CLIP1: variants seen among roughly 807,000 people sequenced by gnomAD.
The protein encoded by CLIP1 is CAP-Gly domain containing linker protein 1.
Under a neutral mutation model 161.6 loss-of-function variants are expected in CLIP1, and 66 were observed. The ratio of observed to expected loss-of-function variants is 0.41; its 90% CI spans 0.33 to 0.50. The LOEUF (loss-of-function observed/expected upper bound fraction) is 0.50. CLIP1 is among the 20% of genes least tolerant of loss of function. CLIP1 has a pLI of 0.27. For missense variants in CLIP1, 1,376 were observed against 1,702.0 expected, an observed-to-expected ratio of 0.81 and a Z score of 3.37; for synonymous variants, 598 against 626.2, an observed-to-expected ratio of 0.96 and a Z score of 0.67.
chr12:122,346,216 T>C (rs995463305), intron 10 of CLIP1, among the ~76,000 whole-genome samples: 39 of 152,310 alleles, frequency 2.6e-4, no homozygotes, highest in African/African-American at 8.9e-4. Flanking sequence ...ATTTGCTGTT[T>C]TATCTTAGGC....
intron 3 of CLIP1, among the ~76,000 whole-genome samples, chr12:122,372,604 A>T (rs367834131): frequency 4.7e-4 from 71 of 152,068 alleles, no homozygotes; most frequent in East Asian, 2.7e-3. Flanking sequence ...AAAAAAAAAC[A>T]AAACTAAAAT....
At chr12:122,307,122 C>T (rs1196362054) in intron 20 of CLIP1, among the ~76,000 whole-genome samples, 1 of 150,560 alleles carries the variant, frequency 6.6e-6, no homozygotes, top group African/African-American at 2.4e-5. Context: ...CAATTCTCTC[C>T]CTCAGTATCC....
chr12:122,306,052 T>TAA (rs544566972), intron 20 of CLIP1, among the ~76,000 whole-genome samples: 7 of 127,764 alleles, frequency 5.5e-5, no homozygotes, highest in Non-Finnish European at 1.0e-4. Flanking sequence ...AGACTCCATC[T>TAA]AAAAAAAAAA....
intron 17 of CLIP1, among the ~76,000 whole-genome samples, chr12:122,321,686 T>C (rs895457416): frequency 2.0e-5 from 3 of 152,036 alleles, no homozygotes; most frequent in African/African-American, 7.2e-5. Context: ...GCCCAGCTAA[T>C]TACTGTATTT....
intron 1 of CLIP1, among the ~76,000 whole-genome samples, chr12:122,415,040 G>A (rs552529892): frequency 2.2e-4 from 33 of 150,674 alleles, no homozygotes; most frequent in Non-Finnish European, 3.4e-4. Flanking sequence ...CCTCGGCGAC[G>A]GAGTGAGACT....
At chr12:122,330,424 A>T (rs1202636243) in intron 15 of CLIP1, among the ~76,000 whole-genome samples, 1 of 152,114 alleles carries the variant, frequency 6.6e-6, no homozygotes, top group Non-Finnish European at 1.5e-5. Flanking sequence ...CACTTTTAAG[A>T]AGTAGAAGTC....
chr12:122,281,493 C>A (rs1592964842), intron 21 of CLIP1, among the ~76,000 whole-genome samples: 1 of 151,890 alleles, frequency 6.6e-6, no homozygotes, highest in Admixed American at 6.6e-5. Flanking sequence ...TCGAGACCAG[C>A]CTGGTTGACA....
In CLIP1 at chr12:122,344,930, A is replaced by G. The variant is rs760738466; in HGVS notation, c.1506+2445T>C. On this transcript the variant is annotated intron_variant, in intron 10 of 25. Coordinates refer to ENST00000620786, the MANE Select transcript of CLIP1 (RefSeq NM_001247997.2). Reference sequence around the variant, plus strand: ...AAGACATACTTCGTTATGGAAAGATATAAGCTTTACACTGAAATACTTGGA... The same window carrying G: ...AAGACATACTTCGTTATGGAAAGATGTAAGCTTTACACTGAAATACTTGGA... Among the ~76,000 whole-genome samples, 36 of 152,356 alleles carry G rather than the reference A, an allele frequency of 2.4e-4. 1 individual carries two copies. In the Middle Eastern group the frequency reaches 0.017, roughly 72 times the overall value.
Position 122,332,974 on chromosome 12 carries a change from C to T in CLIP1, c.2867+13G>A. ...AACCTAAGGTCAGCACTCTTTTCAA[C>T]AGTCACATATACCTTTCTTTCAGAC... On this transcript the variant is annotated intron_variant, in intron 15 of 25. Transcript: ENST00000620786. 1.2e-6 allele frequency: 2 copies of T among 1,608,498 alleles called. No homozygotes were observed. Among genetic ancestry groups the T allele is most frequent in the East Asian group, 2.2e-5 (1 of 44,706 alleles).
At chr12:122,299,526 T>C (rs918073004) in intron 20 of CLIP1, among the ~76,000 whole-genome samples, 1 of 146,448 alleles carries the variant, frequency 6.8e-6, no homozygotes, top group African/African-American at 2.8e-5. Flanking sequence ...ATTCCCTAAG[T>C]TGCAGATATA....
intron 4 of CLIP1, 84 bp from the exon 5 acceptor site, chr12:122,361,265 T>C (rs1953791633): frequency 2.6e-6 from 3 of 1,155,770 alleles, no homozygotes; most frequent in Non-Finnish European, 3.7e-6. Flanking sequence ...TCCCAACTCC[T>C]AACTTACGGT....
At chr12:122,350,045 C>T (rs1952950449) in intron 9 of CLIP1, among the ~76,000 whole-genome samples, 1 of 151,970 alleles carries the variant, frequency 6.6e-6, no homozygotes, top group African/African-American at 2.4e-5. Flanking sequence ...GCTGGGATTA[C>T]AGGTGCGTGC....
chr12:122,403,685 A>C (rs1046946545), intron 1 of CLIP1, among the ~76,000 whole-genome samples: 3 of 150,272 alleles, frequency 2.0e-5, no homozygotes, highest in Non-Finnish European at 4.4e-5. Context: ...CACCCAGCTA[A>C]TTTTTTTTTA....
At chr12:122,365,805 C>A (rs1462731704) in intron 3 of CLIP1, among the ~76,000 whole-genome samples, 2 of 151,570 alleles carry the variant, frequency 1.3e-5, no homozygotes, top group African/African-American at 4.8e-5. Flanking sequence ...CCCAGGAGTT[C>A]GAGACCAGGC....
intron 20 of CLIP1, among the ~76,000 whole-genome samples, chr12:122,304,083 A>G (rs980044578): frequency 6.6e-6 from 1 of 152,224 alleles, no homozygotes; most frequent in South Asian, 2.1e-4. Flanking sequence ...TGTTGGCTGG[A>G]CTAGCTACAG....
intron 10 of CLIP1, chr12:122,342,575 A>T (rs1952555085): frequency 6.6e-6 from 1 of 152,238 alleles, no homozygotes; most frequent in Non-Finnish European, 1.5e-5. Context: ...TCACGCCTGT[A>T]ATCCCACCAC....
At chr12:122,282,192 T>G (rs1024740458) in intron 21 of CLIP1, among the ~76,000 whole-genome samples, 3 of 152,234 alleles carry the variant, frequency 2.0e-5, no homozygotes, top group African/African-American at 7.2e-5. Flanking sequence ...TGGCAGCTCA[T>G]CTTTGTGACC....
chr12:122,284,255 A>G (rs2136258804), intron 21 of CLIP1, among the ~76,000 whole-genome samples: 1 of 152,336 alleles, frequency 6.6e-6, no homozygotes, highest in Middle Eastern at 3.4e-3. Flanking sequence ...ATGAAAATTA[A>G]GAGTGATTTT....
chr12:122,308,717 T>A (rs1403666955), intron 20 of CLIP1, among the ~76,000 whole-genome samples: 1 of 152,228 alleles, frequency 6.6e-6, no homozygotes, highest in Non-Finnish European at 1.5e-5. Context: ...GCCTGTCACA[T>A]AGCAAGAGCC....
Sources: gnomAD v4.1 joint callset for allele counts (sites outside exome capture counted in the v4.1 genomes callset) on GRCh38, gnomAD v4.1.1 for gene constraint, MANE v1.5 for transcripts, NCBI Gene and HGNC (gene_info 2026-07-23, HGNC 2026-07-21) for gene names.